SORBS2: variants seen among roughly 807,000 people sequenced by gnomAD.
The protein encoded by SORBS2 is sorbin and SH3 domain-containing protein 2.
In SORBS2, 46 loss-of-function variants were observed where a neutral mutation model predicts 97.7. The observed-to-expected ratio is 0.47, with a 90% CI of 0.37 to 0.60. The LOEUF (loss-of-function observed/expected upper bound fraction) is 0.60. Ranked by LOEUF, SORBS2 falls within the 20% of genes least tolerant of loss-of-function variation. The pLI is 0.00. For missense variants in SORBS2, 1,316 were observed against 1,282.3 expected (o/e 1.03, Z -0.40); for synonymous variants, 476 against 473.4 (o/e 1.01, Z -0.07).
chr4:185,820,106 C>T (rs6815732), intron 1 of SORBS2, among the ~76,000 whole-genome samples: 3,753 of 152,244 alleles, frequency 0.025, 164 homozygotes, highest in African/African-American at 0.084. Context: ...ACCTCCGGGA[C>T]CTTCCAATAC....
intron 5 of SORBS2, among the ~76,000 whole-genome samples, chr4:185,629,732 T>G (rs974793222): frequency 3.3e-5 from 5 of 151,916 alleles, no homozygotes; most frequent in African/African-American, 1.2e-4. Context: ...CTAGCTAATT[T>G]TTGTAGTTTT....
intron 1 of SORBS2, among the ~76,000 whole-genome samples, chr4:185,892,850 G>C (rs530692982): frequency 6.6e-6 from 1 of 152,054 alleles, no homozygotes; most frequent in Non-Finnish European, 1.5e-5. Flanking sequence ...TGGCAGAGAC[G>C]GTAGCCCAAG....
Position 185,837,594 on chromosome 4 carries a change from G to A in SORBS2, c.-337-62228C>T, listed in dbSNP as rs573866197. Among the ~76,000 whole-genome samples, 404 of 152,282 alleles carry A rather than the reference G, an allele frequency of 2.7e-3. 3 individuals are homozygous for A. The highest frequency in any genetic ancestry group is 0.017 in the South Asian group (84 of 4,824). ...TTTTGTTCTAACTGAATAGGTTGAG[G>A]TAGATTATTCCTATTTAAACTTAGA... is the stretch of plus-strand genomic sequence containing the variant. On this transcript the variant is annotated intron_variant, in intron 1 of 20. Transcript: ENST00000284776.
chr4:185,805,621 C>A (rs1306661601), intron 1 of SORBS2, among the ~76,000 whole-genome samples: 1 of 152,094 alleles, frequency 6.6e-6, no homozygotes, highest in Non-Finnish European at 1.5e-5. Context: ...TTAAGCCTGG[C>A]GCTCTAGGTC....
rs562977332 is a variant in SORBS2, at chr4:185,712,262, G to A, written c.-197-33440C>T. 5.9e-5 allele frequency among the ~76,000 whole-genome samples: 9 copies of A among 152,284 alleles called. No homozygotes were observed. In the East Asian group the frequency reaches 1.7e-3, roughly 29 times the overall value. ...TACAGATGAATGTCAGAGAGAAGCA[G>A]CTTGACTTTGGAGGGACAGCTTGAC... On this transcript the variant is annotated intron_variant, in intron 2 of 20. Transcript: ENST00000284776.
chr4:185,695,899 C>T (rs1299491775), intron 2 of SORBS2, among the ~76,000 whole-genome samples: 2 of 152,184 alleles, frequency 1.3e-5, no homozygotes, highest in Non-Finnish European at 2.9e-5. Context: ...CTCAGAGACT[C>T]CTCTGCCTGA....
At chr4:185,742,162 G>A (rs554403314) in intron 2 of SORBS2, among the ~76,000 whole-genome samples, 1 of 152,312 alleles carries the variant, frequency 6.6e-6, no homozygotes, top group Non-Finnish European at 1.5e-5. Context: ...ACAGTTTGGG[G>A]GTAGTGTTCA....
chr4:185,589,983 A>T, intron 13 of SORBS2, 198 bp from the exon 26 acceptor site: 1 of 462,632 alleles, frequency 2.2e-6, no homozygotes. Flanking sequence ...CAATATGTAG[A>T]TCTTCACAGG....
At chr4:185,823,891 G>A (rs911102412) in intron 1 of SORBS2, among the ~76,000 whole-genome samples, 12 of 152,178 alleles carry the variant, frequency 7.9e-5, no homozygotes, top group Non-Finnish European at 1.5e-4. Flanking sequence ...AGAGAAGCCC[G>A]CTGATTGGAT....
chr4:185,906,667 G>A (rs1412625838), intron 1 of SORBS2, among the ~76,000 whole-genome samples: 1 of 152,154 alleles, frequency 6.6e-6, no homozygotes, highest in Non-Finnish European at 1.5e-5. Flanking sequence ...CCTGCCCACT[G>A]TTTATATGAT....
chr4:185,615,133 G>C, exon 10 of SORBS2: 8 of 1,611,536 alleles, frequency 5.0e-6, no homozygotes, highest in Non-Finnish European at 5.9e-6. Flanking sequence ...GATGTAGACA[G>C]TATCTCCTTT....
chr4:185,679,288 T>C (rs1407777057), intron 2 of SORBS2, among the ~76,000 whole-genome samples: 1 of 152,176 alleles, frequency 6.6e-6, no homozygotes, highest in Non-Finnish European at 1.5e-5. Context: ...TAAGAAACTG[T>C]AGACCTGTCT....
At chr4:185,916,552 A>G (rs914926086) in intron 1 of SORBS2, among the ~76,000 whole-genome samples, 1 of 152,222 alleles carries the variant, frequency 6.6e-6, no homozygotes. Context: ...CCTGGTATAA[A>G]AAGAGGACTG....
At chr4:185,806,466 T>TCGC (rs2099155220) in intron 1 of SORBS2, among the ~76,000 whole-genome samples, 1 of 27,788 alleles carries the variant, frequency 3.6e-5, no homozygotes, top group Admixed American at 5.1e-4. Context: ...TTTTTTTTTT[T>TCGC]TTTTTTTTTG....
chr4:185,586,057 C>T (rs370983736), exon 15 of SORBS2: 1 of 119,532 alleles, frequency 8.4e-6, no homozygotes, highest in South Asian at 3.2e-4. Context: ...TTAGGAAACG[C>T]CCCTGTTTTC....
intron 1 of SORBS2, among the ~76,000 whole-genome samples, chr4:185,880,415 C>T (rs1281101010): frequency 1.3e-5 from 2 of 152,092 alleles, no homozygotes; most frequent in Admixed American, 1.3e-4. Flanking sequence ...CTTATTAAAA[C>T]AAAACAAGGA....
At chr4:185,901,940 T>A (rs932997639) in intron 1 of SORBS2, among the ~76,000 whole-genome samples, 1 of 152,220 alleles carries the variant, frequency 6.6e-6, no homozygotes, top group African/African-American at 2.4e-5. Context: ...TTTAACTTAA[T>A]TTCTGTTGAG....
intron 2 of SORBS2, among the ~76,000 whole-genome samples, chr4:185,685,442 G>A (rs577073254): frequency 5.7e-4 from 87 of 152,316 alleles, no homozygotes; most frequent in African/African-American, 2.0e-3. Context: ...TGTTAGTTAT[G>A]CAAATAACTA....
At chr4:185,609,959 G>T (rs2096506175) in intron 12 of SORBS2, among the ~76,000 whole-genome samples, 1 of 152,140 alleles carries the variant, frequency 6.6e-6, no homozygotes, top group South Asian at 2.1e-4. Flanking sequence ...CCTAATTATG[G>T]ACATAAGCTT....
Sources: gnomAD v4.1 joint callset for allele counts (sites outside exome capture counted in the v4.1 genomes callset) on GRCh38, gnomAD v4.1.1 for gene constraint, MANE v1.5 for transcripts, NCBI Gene and HGNC (gene_info 2026-07-23, HGNC 2026-07-21) for gene names.